Variants in HS3ST4 observed in about 807,000 individuals in gnomAD.
The protein encoded by HS3ST4 is heparan sulfate glucosamine 3-O-sulfotransferase 4.
Under a neutral mutation model 29.2 loss-of-function variants are expected in HS3ST4, and 17 were observed. The ratio of observed to expected loss-of-function variants is 0.58; its 90% CI spans 0.40 to 0.87. The LOEUF (loss-of-function observed/expected upper bound fraction) is 0.87. HS3ST4 is among the 40% of genes least tolerant of loss of function. HS3ST4 has a pLI of 0.00. For synonymous variants in HS3ST4, 314 were observed against 285.7 expected, an observed-to-expected ratio of 1.10 and a Z score of -1.00; for missense variants, 627 against 634.5, an observed-to-expected ratio of 0.99 and a Z score of 0.13.
chr16:25,723,051 A>G (rs759508930), intron 1 of HS3ST4, among the ~76,000 whole-genome samples: 1 of 152,336 alleles, frequency 6.6e-6, no homozygotes, highest in East Asian at 1.9e-4. Flanking sequence ...TTATAAAACC[A>G]TCAGATCTTG....
intron 1 of HS3ST4, among the ~76,000 whole-genome samples, chr16:25,972,384 G>A (rs572502574): frequency 2.0e-5 from 3 of 152,184 alleles, no homozygotes; most frequent in Non-Finnish European, 4.4e-5. Flanking sequence ...CTCCCTTAAG[G>A]CTGCATTCAA....
At chr16:25,705,629 A>G (rs754365727) in intron 1 of HS3ST4, among the ~76,000 whole-genome samples, 1 of 151,944 alleles carries the variant, frequency 6.6e-6, no homozygotes, top group Non-Finnish European at 1.5e-5. Context: ...GCACCACTAC[A>G]CTCCAGCCTG....
intron 1 of HS3ST4, among the ~76,000 whole-genome samples, chr16:25,804,195 TATTTCAGGATTTCTAGTTTGTA>T: frequency 1.3e-5 from 2 of 152,334 alleles, no homozygotes; most frequent in South Asian, 4.1e-4. Context: ...ATATATTTTA[TATTTCAGGATTTCTAGTTTGTA>T]ATTTCTAGGA....
intron 1 of HS3ST4, among the ~76,000 whole-genome samples, chr16:26,095,933 A>G (rs1236846181): frequency 6.6e-6 from 1 of 152,202 alleles, no homozygotes; most frequent in African/African-American, 2.4e-5. Context: ...GATAAAGGGG[A>G]TATCACCACC....
At chr16:25,739,128 G>C (rs1966633512) in intron 1 of HS3ST4, among the ~76,000 whole-genome samples, 2 of 152,106 alleles carry the variant, frequency 1.3e-5, no homozygotes, top group South Asian at 4.1e-4. Flanking sequence ...GATCATCTGA[G>C]GTCAGGAGTT....
chr16:25,855,203 T>TA (rs1486199871), intron 1 of HS3ST4, among the ~76,000 whole-genome samples: 1 of 152,134 alleles, frequency 6.6e-6, no homozygotes, highest in Non-Finnish European at 1.5e-5. Context: ...TTGAAGATGG[T>TA]AGAAAAAAAT....
At chr16:25,751,473 C>T (rs538167462) in intron 1 of HS3ST4, among the ~76,000 whole-genome samples, 151 of 152,204 alleles carry the variant, frequency 9.9e-4, no homozygotes, top group South Asian at 3.1e-3. Flanking sequence ...AATTAAGCTC[C>T]GTGAGTGCTG....
intron 1 of HS3ST4, among the ~76,000 whole-genome samples, chr16:26,035,776 A>C (rs1278899555): frequency 1.3e-5 from 2 of 152,162 alleles, no homozygotes; most frequent in African/African-American, 2.4e-5. Context: ...GCAGCTGATC[A>C]CATTATCCTG....
intron 1 of HS3ST4, among the ~76,000 whole-genome samples, chr16:25,789,311 C>T (rs1428143243): frequency 6.6e-6 from 1 of 151,532 alleles, no homozygotes; most frequent in Non-Finnish European, 1.5e-5. Flanking sequence ...TTCTTTCTTT[C>T]TTTCTCCTCC....
At chr16:25,893,927 T>C (rs1042566554) in intron 1 of HS3ST4, among the ~76,000 whole-genome samples, 4 of 152,238 alleles carry the variant, frequency 2.6e-5, no homozygotes, top group African/African-American at 9.6e-5. Context: ...TCACTACTTA[T>C]CAGGCCAGCC....
At chr16:26,102,417 G>A (rs1020440446) in intron 1 of HS3ST4, among the ~76,000 whole-genome samples, 2 of 152,152 alleles carry the variant, frequency 1.3e-5, no homozygotes, top group African/African-American at 4.8e-5. Flanking sequence ...GTAAGGAAAT[G>A]TCTCTTGGTT....
intron 1 of HS3ST4, among the ~76,000 whole-genome samples, chr16:25,748,191 G>A (rs908578244): frequency 6.6e-6 from 1 of 152,060 alleles, no homozygotes. Flanking sequence ...GCTGTGCTTG[G>A]GTGGGCGTGC....
At chr16:25,904,837 A>T (rs1968164353) in intron 1 of HS3ST4, among the ~76,000 whole-genome samples, 1 of 152,320 alleles carries the variant, frequency 6.6e-6, no homozygotes, top group Non-Finnish European at 1.5e-5. Flanking sequence ...TGTTTTAAGC[A>T]TTATATGAGT....
Position 26,109,351 on chromosome 16 carries a change from C to T in HS3ST4, c.735-26261C>T, listed in dbSNP as rs144209739. Among the ~76,000 whole-genome samples the T allele has an allele frequency of 3.2e-3, 484 of 152,222 alleles. 6 individuals are homozygous for T. Among genetic ancestry groups the T allele is most frequent in the African/African-American group, 0.011 (466 of 41,526 alleles). On this transcript the variant is annotated intron_variant, in intron 1 of 1. Coordinates refer to ENST00000331351, the MANE Select transcript of HS3ST4 (RefSeq NM_006040.3). ...ACGCACACAATCTTTTCTGCATGTG[C>T]GTGAGTCTCGATTACAGGCAGTTGA...
At chr16:26,035,148 A>G (rs946577679) in intron 1 of HS3ST4, among the ~76,000 whole-genome samples, 2 of 152,208 alleles carry the variant, frequency 1.3e-5, no homozygotes, top group Non-Finnish European at 2.9e-5. Flanking sequence ...TTAGGTAAGA[A>G]CATGCCATGA....
chr16:25,838,142 CAGGAATACTAAT>C (rs1967379365), intron 1 of HS3ST4, among the ~76,000 whole-genome samples: 1 of 152,200 alleles, frequency 6.6e-6, no homozygotes, highest in South Asian at 2.1e-4. Context: ...AGATGCTAAA[CAGGAATACTAAT>C]AGAGAAATAT....
At chr16:26,102,239 A>G (rs1415258799) in intron 1 of HS3ST4, among the ~76,000 whole-genome samples, 1 of 131,520 alleles carries the variant, frequency 7.6e-6, no homozygotes, top group Non-Finnish European at 1.6e-5. Context: ...AGTTCCTATG[A>G]TTCAATCACA....
chr16:25,901,864 G>A (rs797015410), intron 1 of HS3ST4, among the ~76,000 whole-genome samples: 13 of 152,254 alleles, frequency 8.5e-5, no homozygotes, highest in African/African-American at 2.9e-4. Context: ...AAACTGGCAA[G>A]GCAGGGCCTT....
chr16:26,134,792 G>A (rs1898258570), intron 1 of HS3ST4, among the ~76,000 whole-genome samples: 1 of 152,180 alleles, frequency 6.6e-6, no homozygotes, highest in Non-Finnish European at 1.5e-5. Flanking sequence ...CCAAGTCAGG[G>A]ATCAGCAGAC....
Sources: gnomAD v4.1 joint callset for allele counts (sites outside exome capture counted in the v4.1 genomes callset) on GRCh38, gnomAD v4.1.1 for gene constraint, MANE v1.5 for transcripts, NCBI Gene and HGNC (gene_info 2026-07-23, HGNC 2026-07-21) for gene names.